Variants in BAZ2B observed in about 807,000 individuals in gnomAD.
BAZ2B encodes the protein bromodomain adjacent to zinc finger domain 2B.
Under a neutral mutation model 246.0 loss-of-function variants are expected in BAZ2B, and 91 were observed. The ratio of observed to expected loss-of-function variants is 0.37; its 90% CI spans 0.31 to 0.44. The LOEUF (loss-of-function observed/expected upper bound fraction) is 0.44. Ranked by LOEUF, BAZ2B falls within the 20% of genes least tolerant of loss-of-function variation. The probability of loss-of-function intolerance (pLI) is 1.00; values close to 1 mark genes in which losing one functional copy is unlikely to be tolerated. For synonymous variants in BAZ2B, 855 were observed against 860.0 expected, an observed-to-expected ratio of 0.99 and a Z score of 0.10; for missense variants, 2,332 against 2,533.7, an observed-to-expected ratio of 0.92 and a Z score of 1.71.
At chr2:159,610,978 T>A (rs1366242826) in intron 1 of BAZ2B, among the ~76,000 whole-genome samples, 1 of 152,056 alleles carries the variant, frequency 6.6e-6, no homozygotes, top group African/African-American at 2.4e-5. Context: ...AAAAGTCATA[T>A]ATATTCATTT....
chr2:159,709,770 A>C, the BAZ2B span, among the ~76,000 whole-genome samples: 2 of 152,252 alleles, frequency 1.3e-5, no homozygotes, highest in African/African-American at 4.8e-5. Context: ...TCAATATCTG[A>C]AAGAGCATTC....
At chr2:159,327,055 CTTT>C (rs67194703) in intron 34 of BAZ2B, among the ~76,000 whole-genome samples, 2 of 142,924 alleles carry the variant, frequency 1.4e-5, no homozygotes, top group Admixed American at 7.1e-5. Flanking sequence ...TGGCTGCAAT[CTTT>C]TTTTTTTTTT....
intron 2 of BAZ2B, among the ~76,000 whole-genome samples, chr2:159,494,873 A>G (rs1215369050): frequency 1.7e-5 from 2 of 118,460 alleles, no homozygotes; most frequent in African/African-American, 6.1e-5. Flanking sequence ...GGTCAAATAC[A>G]CTACCTCAAG....
intron 2 of BAZ2B, among the ~76,000 whole-genome samples, chr2:159,541,985 T>C (rs1186750648): frequency 6.6e-6 from 1 of 151,912 alleles, no homozygotes; most frequent in African/African-American, 2.4e-5. Context: ...AACAGAAATT[T>C]TAAAAAGGAA....
chr2:159,541,310 G>C (rs1043908525), intron 2 of BAZ2B, among the ~76,000 whole-genome samples: 1 of 151,188 alleles, frequency 6.6e-6, no homozygotes, highest in African/African-American at 2.4e-5. Context: ...ATGGAGTCTC[G>C]CTCCGTTGCC....
intron 2 of BAZ2B, among the ~76,000 whole-genome samples, chr2:159,479,732 T>C (rs547797837): frequency 1.3e-4 from 20 of 152,306 alleles, no homozygotes; most frequent in African/African-American, 4.3e-4. Context: ...TAATTGTTGA[T>C]TGAATCCATA....
chr2:159,494,793 A>G (rs765452030), intron 2 of BAZ2B, among the ~76,000 whole-genome samples: 3 of 152,232 alleles, frequency 2.0e-5, no homozygotes, highest in Non-Finnish European at 4.4e-5. Flanking sequence ...CTGATGTTCA[A>G]CCTTTCAGAA....
chr2:159,444,462 T>C (rs139233827), intron 6 of BAZ2B: 149 of 152,320 alleles, frequency 9.8e-4, no homozygotes, highest in African/African-American at 3.4e-3. Flanking sequence ...ATGTTTTCTA[T>C]TGAGAAGGAA....
intron 31 of BAZ2B, among the ~76,000 whole-genome samples, chr2:159,342,125 T>G (rs2066841886): frequency 6.6e-6 from 1 of 151,798 alleles, no homozygotes; most frequent in African/African-American, 2.4e-5. Flanking sequence ...ACCAGGGAGG[T>G]GAAAGATCTC....
At chr2:159,628,463 G>A in the BAZ2B span, among the ~76,000 whole-genome samples, 61,299 of 151,944 alleles carry the variant, frequency 0.4, 12,910 homozygotes, top group African/African-American at 0.5. Context: ...TACTGGTACC[G>A]AAACAGATAT....
chr2:159,353,249 A>G (rs1053108559), intron 27 of BAZ2B, among the ~76,000 whole-genome samples: 1 of 152,256 alleles, frequency 6.6e-6, no homozygotes, highest in Non-Finnish European at 1.5e-5. Flanking sequence ...CATCAGATTT[A>G]TACTTCTGAC....
intron 1 of BAZ2B, among the ~76,000 whole-genome samples, chr2:159,583,942 G>GA: frequency 6.6e-6 from 1 of 152,156 alleles, no homozygotes; most frequent in East Asian, 1.9e-4. Flanking sequence ...AAGTATACAA[G>GA]AAACAACAAG....
rs2064483335 is a variant in BAZ2B, at chr2:159,398,819, C to G, written c.2964+10G>C. The G allele has an allele frequency of 6.2e-7, 1 of 1,607,688 alleles. No individual in the cohort carries two copies. The highest frequency in any genetic ancestry group is 2.2e-5 in the East Asian group (1 of 44,736). The stretch of plus-strand genomic sequence containing the variant: ...CAAAAATAAAAACTCTGATTCTCAT[C>G]TAAACTAACCTTTATTCGTTTCTCG... On this transcript the variant is annotated intron_variant, in intron 18 of 36. Transcript: ENST00000392783.
intron 3 of BAZ2B, among the ~76,000 whole-genome samples, chr2:159,457,551 C>T (rs2150538193): frequency 6.6e-6 from 1 of 152,316 alleles, no homozygotes; most frequent in East Asian, 1.9e-4. Context: ...TGCCTTATTT[C>T]CTCAACCCCT....
chr2:159,432,746 A>G lies in BAZ2B; in HGVS notation c.1900+11T>C. Reference sequence around the variant, plus strand: ...TTAGAGAAATACTTTAAATTTTAAAATGAAAATAACCTGATTGGCTGTCAT... The same window carrying G: ...TTAGAGAAATACTTTAAATTTTAAAGTGAAAATAACCTGATTGGCTGTCAT... On this transcript the variant is annotated intron_variant, in intron 9 of 36. Transcript: ENST00000392783. 1 of 1,600,096 alleles carries G rather than the reference A, an allele frequency of 6.2e-7. No individual in the cohort carries two copies. Among genetic ancestry groups the G allele is most frequent in the Non-Finnish European group, 8.5e-7 (1 of 1,171,206 alleles).
intron 31 of BAZ2B, among the ~76,000 whole-genome samples, chr2:159,346,061 C>A (rs1353857758): frequency 6.6e-6 from 1 of 152,172 alleles, no homozygotes; most frequent in Non-Finnish European, 1.5e-5. Context: ...TGAAAGGGTT[C>A]ATCTGTTGAA....
At chr2:159,411,532 T>C (rs1025079479) in intron 14 of BAZ2B, among the ~76,000 whole-genome samples, 1 of 152,228 alleles carries the variant, frequency 6.6e-6, no homozygotes, top group Non-Finnish European at 1.5e-5. Context: ...TAAACCTTTA[T>C]TTTACATTGT....
At chr2:159,594,160 T>C (rs548999886) in intron 1 of BAZ2B, among the ~76,000 whole-genome samples, 10 of 152,282 alleles carry the variant, frequency 6.6e-5, no homozygotes, top group African/African-American at 2.2e-4. Flanking sequence ...TCCCAGCACT[T>C]TGGGAGGCCG....
the BAZ2B span, chr2:159,690,239 T>G: frequency 5.0e-6 from 2 of 399,358 alleles, no homozygotes; most frequent in South Asian, 4.4e-5. Context: ...ATATCAATCT[T>G]TCTTAGAAAA....
Sources: gnomAD v4.1 joint callset for allele counts (sites outside exome capture counted in the v4.1 genomes callset) on GRCh38, gnomAD v4.1.1 for gene constraint, MANE v1.5 for transcripts, NCBI Gene and HGNC (gene_info 2026-07-23, HGNC 2026-07-21) for gene names.